Variants in FBXL4 observed in about 807,000 individuals in gnomAD.
FBXL4 encodes F-box/LRR-repeat protein 4.
In FBXL4, 40 loss-of-function variants were observed where a neutral mutation model predicts 58.9. The ratio of observed to expected loss-of-function variants is 0.68; its 90% confidence interval spans 0.53 to 0.88. The LOEUF is 0.88. Among genes scored for constraint, FBXL4 ranks in the 40% least tolerant of loss-of-function variants. The probability of loss-of-function intolerance (pLI) is 0.00; values close to 1 mark genes in which losing one functional copy is unlikely to be tolerated. For missense variants in FBXL4, 676 were observed against 734.4 expected (o/e 0.92, Z 0.92); for synonymous variants, 263 against 265.5 (o/e 0.99, Z 0.09).
intron 4 of FBXL4, among the ~76,000 whole-genome samples, chr6:98,918,362 A>T (rs933782243): frequency 6.6e-6 from 1 of 151,824 alleles, no homozygotes; most frequent in East Asian, 1.9e-4. Context: ...CTCCAAATGA[A>T]CTCCTGCTTC....
At chr6:98,928,988 G>A (rs1054757315) in intron 2 of FBXL4, among the ~76,000 whole-genome samples, 1 of 152,006 alleles carries the variant, frequency 6.6e-6, no homozygotes, top group Non-Finnish European at 1.5e-5. Flanking sequence ...GTTCCACTAG[G>A]GTTTATATTA....
intron 2 of FBXL4, among the ~76,000 whole-genome samples, chr6:98,934,289 G>A (rs770953158): frequency 2.6e-5 from 4 of 151,910 alleles, no homozygotes; most frequent in Non-Finnish European, 5.9e-5. Context: ...TAACCTACAA[G>A]TTAAGAGAGA....
chr6:98,924,954 G>A (rs1405317261), intron 4 of FBXL4, among the ~76,000 whole-genome samples: 3 of 152,130 alleles, frequency 2.0e-5, no homozygotes, highest in Non-Finnish European at 4.4e-5. Context: ...TTCACTGCTC[G>A]CTGACACATC....
intron 5 of FBXL4, among the ~76,000 whole-genome samples, chr6:98,913,396 C>G (rs1045670628): frequency 1.3e-5 from 2 of 152,128 alleles, no homozygotes. Context: ...CCACACCACA[C>G]CTATTCCAAA....
intron 7 of FBXL4, among the ~76,000 whole-genome samples, chr6:98,886,703 C>A (rs573934436): frequency 6.6e-6 from 1 of 152,206 alleles, no homozygotes; most frequent in African/African-American, 2.4e-5. Context: ...AGTGGCACTG[C>A]GGATACTGCA....
chr6:98,942,074 GAA>G (rs11285691), intron 1 of FBXL4, among the ~76,000 whole-genome samples: 1 of 144,800 alleles, frequency 6.9e-6, no homozygotes, highest in Admixed American at 6.9e-5. Flanking sequence ...AATTCTAAAG[GAA>G]AAAAAAAATG....
At chr6:98,946,502 A>G (rs761759284) in intron 1 of FBXL4, among the ~76,000 whole-genome samples, 1 of 152,238 alleles carries the variant, frequency 6.6e-6, no homozygotes, top group Non-Finnish European at 1.5e-5. Context: ...AACACAGTAA[A>G]GAAAGAAGGG....
chr6:98,924,977 A>C (rs1772720021), intron 4 of FBXL4, among the ~76,000 whole-genome samples: 1 of 152,220 alleles, frequency 6.6e-6, no homozygotes, highest in African/African-American at 2.4e-5. Flanking sequence ...TAATACCTAG[A>C]ACAACACCTA....
chr6:98,926,530 T>C lies in FBXL4; in HGVS notation c.459A>G (p.Arg153=). The C allele has an allele frequency of 1.2e-6, 2 of 1,613,864 alleles. No individual in the cohort carries two copies. Among genetic ancestry groups the C allele is most frequent in the South Asian group, 2.2e-5 (2 of 90,984 alleles). Residue 153 remains arginine (R), a synonymous_variant, in exon 4 of 10, where the codon AGA becomes AGG. Coordinates refer to ENST00000369244, the MANE Select transcript of FBXL4 (RefSeq NM_001278716.2). ...AAGGATTTGCAGAACAAGCGAGAATTCTAATGACTGCTCCGGGATGATAGG... is the reference window on the plus strand; with the variant it reads ...AAGGATTTGCAGAACAAGCGAGAATCCTAATGACTGCTCCGGGATGATAGG... ...LETYHPGAVI[R]ILACSANPYS... is the part of the protein sequence containing the mutation.
At chr6:98,912,820 C>A (rs563611416) in intron 5 of FBXL4, among the ~76,000 whole-genome samples, 3,561 of 150,734 alleles carry the variant, frequency 0.024, 59 homozygotes, top group Middle Eastern at 0.086. Context: ...AAATTCACAC[C>A]TAACAATATT....
chr6:98,915,511 C>T (rs1311119952), intron 5 of FBXL4, among the ~76,000 whole-genome samples: 136 of 150,238 alleles, frequency 9.1e-4, no homozygotes, highest in African/African-American at 2.9e-3. Context: ...TCAGAAATAA[C>T]GCCACATATC....
intron 4 of FBXL4, among the ~76,000 whole-genome samples, chr6:98,925,827 A>G (rs992004407): frequency 6.6e-6 from 1 of 152,212 alleles, no homozygotes; most frequent in African/African-American, 2.4e-5. Flanking sequence ...TGAGCTGATA[A>G]AAGTGGTTTC....
rs982974504 is a variant in FBXL4, at chr6:98,869,883, A to C, written c.*4395T>G. On this transcript the variant is annotated 3_prime_UTR_variant, in exon 10 of 10. Coordinates refer to ENST00000369244, the MANE Select transcript of FBXL4 (RefSeq NM_001278716.2). ...TTGTATTTTTAAGATCTTATTTCAAAACAATTTACATTGAGAGTATTATTT... is the reference window on the plus strand; with the variant it reads ...TTGTATTTTTAAGATCTTATTTCAACACAATTTACATTGAGAGTATTATTT... The C allele has an allele frequency of 3.3e-5, 5 of 152,248 alleles. No individual in the cohort carries two copies. The highest frequency in any genetic ancestry group is 1.2e-4 in the African/African-American group (5 of 41,462). The allele number at this position is 152,248 out of a possible 1,614,324, so 9.4% of individuals were successfully genotyped here.
chr6:98,927,096 T>A (rs565775107), intron 3 of FBXL4, 36 bp from the exon 4 acceptor site: 10 of 1,098,760 alleles, frequency 9.1e-6, no homozygotes, highest in African/African-American at 1.6e-5. Context: ...GTAAAATAAT[T>A]TAAATAAGCA....
chr6:98,876,169 T>C (rs552621763), intron 8 of FBXL4, among the ~76,000 whole-genome samples: 53 of 152,288 alleles, frequency 3.5e-4, no homozygotes, highest in Non-Finnish European at 5.7e-4. Flanking sequence ...TAAAACACTA[T>C]GTGGAAATGC....
At chr6:98,897,146 A>C in intron 7 of FBXL4, 1 of 982,540 alleles carries the variant, frequency 1.0e-6, no homozygotes, top group Non-Finnish European at 1.2e-6. Context: ...CTTATTAAAC[A>C]ATCAGAAAAT....
At chr6:98,939,567 ATTCTCTT>A (rs1773354820) in intron 1 of FBXL4, among the ~76,000 whole-genome samples, 1 of 152,206 alleles carries the variant, frequency 6.6e-6, no homozygotes, top group Non-Finnish European at 1.5e-5. Flanking sequence ...AGCTACATAA[ATTCTCTT>A]TTCTTTTTTC....
intron 7 of FBXL4, chr6:98,898,436 C>T: frequency 2.0e-6 from 2 of 985,210 alleles, no homozygotes; most frequent in Non-Finnish European, 2.4e-6. Flanking sequence ...GAAACCCCGT[C>T]TCTACTAAAA....
chr6:98,893,002 C>T (rs546174093), intron 7 of FBXL4, among the ~76,000 whole-genome samples: 1 of 152,276 alleles, frequency 6.6e-6, no homozygotes, highest in Admixed American at 6.5e-5. Context: ...TTTTAAAAAA[C>T]ACTCCTGGTT....
Sources: gnomAD v4.1 joint callset for allele counts (sites outside exome capture counted in the v4.1 genomes callset) on GRCh38, gnomAD v4.1.1 for gene constraint, MANE v1.5 for transcripts, NCBI Gene and HGNC (gene_info 2026-07-23, HGNC 2026-07-21) for gene names.